EPHA6: variants seen among roughly 807,000 people sequenced by gnomAD.
The protein encoded by EPHA6 is EPH receptor A6, also known as ephrin type-A receptor 6.
Under a neutral mutation model 112.0 loss-of-function variants are expected in EPHA6, and 50 were observed. That is an observed-to-expected ratio of 0.45 (90% confidence interval 0.36 to 0.56). The LOEUF (loss-of-function observed/expected upper bound fraction) is 0.56. Ranked by LOEUF, EPHA6 falls within the 20% of genes least tolerant of loss-of-function variation. The pLI, the probability that EPHA6 is intolerant of heterozygous loss-of-function variation, is 0.00. For missense variants in EPHA6, 1,280 were observed against 1,417.4 expected, an observed-to-expected ratio of 0.90 and a Z score of 1.56; for synonymous variants, 529 against 490.7, an observed-to-expected ratio of 1.08 and a Z score of -1.03.
At chr3:96,912,190 A>G (rs1165567676) in intron 2 of EPHA6, among the ~76,000 whole-genome samples, 1 of 152,156 alleles carries the variant, frequency 6.6e-6, no homozygotes, top group African/African-American at 2.4e-5. Context: ...TTATTGACCA[A>G]TTGAATAGGA....
chr3:97,674,846 G>A (rs956122977), intron 14 of EPHA6, among the ~76,000 whole-genome samples: 12 of 152,198 alleles, frequency 7.9e-5, no homozygotes, highest in Admixed American at 7.2e-4. Flanking sequence ...TTTGGAGGCT[G>A]TGGCACAAAT....
intron 3 of EPHA6, chr3:96,994,181 G>T: frequency 2.6e-6 from 1 of 382,156 alleles, no homozygotes; most frequent in Non-Finnish European, 5.5e-6. Context: ...ATTATATTAA[G>T]CATGTTTGCT....
At chr3:97,666,150 TC>T (rs1306359593) in intron 14 of EPHA6, among the ~76,000 whole-genome samples, 1 of 152,104 alleles carries the variant, frequency 6.6e-6, no homozygotes, top group Non-Finnish European at 1.5e-5. Context: ...TAACACATTT[TC>T]CCCCCTTGTT....
intron 14 of EPHA6, among the ~76,000 whole-genome samples, chr3:97,661,249 GA>G (rs958715427): frequency 2.0e-5 from 3 of 152,100 alleles, no homozygotes; most frequent in African/African-American, 7.2e-5. Flanking sequence ...ATTTCAGAGT[GA>G]AAAGAATTGT....
In EPHA6 at chr3:97,589,426, G is replaced by A. The variant is rs547617459; in HGVS notation, c.2387-3186G>A. ...GCTTCTGCTTTTTTCCCACTGTCTC[G>A]TTACATGACCTATTAACTAGCAACT... On this transcript the variant is annotated intron_variant, in intron 11 of 17. Transcript: ENST00000389672. Among the ~76,000 whole-genome samples the A allele has an allele frequency of 6.8e-4, 104 of 151,944 alleles. No homozygotes were observed. In the South Asian group the frequency reaches 9.6e-3, roughly 14 times the overall value.
At chr3:97,189,776 T>C (rs1205640915) in intron 3 of EPHA6, among the ~76,000 whole-genome samples, 1 of 152,162 alleles carries the variant, frequency 6.6e-6, no homozygotes, top group Non-Finnish European at 1.5e-5. Context: ...TATGTGACTA[T>C]GACTTAGTTC....
At chr3:97,327,978 TGC>T in intron 5 of EPHA6, among the ~76,000 whole-genome samples, 3 of 140,028 alleles carry the variant, frequency 2.1e-5, no homozygotes, top group African/African-American at 8.8e-5. Context: ...TATGTATATG[TGC>T]ATATATATGT....
rs1234144964 is a variant in EPHA6, at chr3:97,068,179, AAAG to A, written c.1114+80188_1114+80190del. On this transcript the variant is annotated intron_variant, in intron 3 of 17. Coordinates refer to ENST00000389672, the MANE Select transcript of EPHA6 (RefSeq NM_001080448.3). The stretch of plus-strand genomic sequence containing the variant: ...CAAAAAAAAAAGAAAAAAAAAAAAA[AAAG>A]AGTCAGGGATAAAGAATCATTTTGG... 2.0e-5 allele frequency among the ~76,000 whole-genome samples: 3 copies of A among 151,420 alleles called. 1 individual carries two copies. Among genetic ancestry groups the A allele is most frequent in the Admixed American group, 1.3e-4 (2 of 15,134 alleles).
chr3:97,174,004 A>G (rs1032184585), intron 3 of EPHA6, among the ~76,000 whole-genome samples: 2 of 151,414 alleles, frequency 1.3e-5, no homozygotes, highest in Non-Finnish European at 3.0e-5. Context: ...TTACCCATTA[A>G]CCATCACCTT....
chr3:96,941,042 C>T (rs1447724457), intron 2 of EPHA6, among the ~76,000 whole-genome samples: 2 of 152,160 alleles, frequency 1.3e-5, no homozygotes, highest in Non-Finnish European at 2.9e-5. Flanking sequence ...TTTTTTCCTT[C>T]ATTTCAACTT....
chr3:96,981,358 ATTTG>A (rs1293337085), intron 2 of EPHA6, among the ~76,000 whole-genome samples: 1 of 151,898 alleles, frequency 6.6e-6, no homozygotes, highest in Non-Finnish European at 1.5e-5. Context: ...TCATTTATTG[ATTTG>A]TTTATGTTGA....
intron 5 of EPHA6, among the ~76,000 whole-genome samples, chr3:97,316,399 A>T (rs961240981): frequency 9.2e-5 from 14 of 152,020 alleles, no homozygotes; most frequent in Admixed American, 1.3e-4. Flanking sequence ...CTGCCCAGGA[A>T]CACCAATCAA....
At chr3:97,546,470 C>T (rs571920694) in intron 11 of EPHA6, among the ~76,000 whole-genome samples, 18 of 152,114 alleles carry the variant, frequency 1.2e-4, no homozygotes, top group Non-Finnish European at 2.4e-4. Flanking sequence ...GAGGGTAACC[C>T]GACCTTTCTC....
chr3:97,292,127 C>T (rs769811839), intron 5 of EPHA6, among the ~76,000 whole-genome samples: 9 of 152,238 alleles, frequency 5.9e-5, no homozygotes, highest in Non-Finnish European at 2.9e-5. Context: ...AGCAGACATA[C>T]CACAAGCGGC....
At chr3:97,570,895 T>G (rs2093326447) in intron 11 of EPHA6, among the ~76,000 whole-genome samples, 1 of 152,256 alleles carries the variant, frequency 6.6e-6, no homozygotes, top group East Asian at 1.9e-4. Flanking sequence ...CAGGCCTGAC[T>G]TCAAGGAAAT....
intron 3 of EPHA6, among the ~76,000 whole-genome samples, chr3:97,074,254 ATATTTGTTTACT>A (rs1165374884): frequency 2.0e-5 from 3 of 152,012 alleles, no homozygotes; most frequent in African/African-American, 7.2e-5. Context: ...ATTTGTATAC[ATATTTGTTTACT>A]TATGTAGAAT....
chr3:97,717,047 T>C (rs780027830), intron 14 of EPHA6, among the ~76,000 whole-genome samples: 1 of 151,860 alleles, frequency 6.6e-6, no homozygotes. Context: ...CTGGCCGACA[T>C]GGTGAAACCC....
intron 3 of EPHA6, among the ~76,000 whole-genome samples, chr3:97,160,124 G>C (rs1263399287): frequency 2.0e-5 from 3 of 152,026 alleles, no homozygotes; most frequent in South Asian, 2.1e-4. Context: ...CATCGTGGTC[G>C]CTTTGTTCTT....
chr3:96,970,906 TC>T (rs2042295044), intron 2 of EPHA6, among the ~76,000 whole-genome samples: 2 of 152,102 alleles, frequency 1.3e-5, no homozygotes, highest in Non-Finnish European at 1.5e-5. Context: ...CTTACAAGAA[TC>T]AAATTAAATG....
Sources: allele counts gnomAD v4.1 joint callset (sites outside exome capture counted in the v4.1 genomes callset), GRCh38; gene constraint gnomAD v4.1.1; transcripts MANE v1.5; gene names NCBI Gene and HGNC (gene_info 2026-07-23, HGNC 2026-07-21).